Variants in GRM4 observed in about 807,000 individuals in gnomAD.
GRM4 encodes the protein glutamate metabotropic receptor 4, also known as metabotropic glutamate receptor 4.
A neutral mutation model predicts 81.7 loss-of-function variants in GRM4; 28 were observed. That is an observed-to-expected ratio of 0.34 (90% CI 0.25 to 0.47). GRM4 has a LOEUF of 0.47. Among genes scored for constraint, GRM4 ranks in the 20% least tolerant of loss-of-function variants. GRM4 has a pLI of 1.00. For synonymous variants in GRM4, 488 were observed against 528.8 expected (o/e 0.92, Z 1.06); for missense variants, 948 against 1,290.0 (o/e 0.73, Z 4.06).
intron 9 of GRM4, among the ~76,000 whole-genome samples, chr6:34,028,690 C>A (rs1330094680): frequency 2.6e-5 from 4 of 152,224 alleles, no homozygotes; most frequent in Non-Finnish European, 5.9e-5. Flanking sequence ...TGGAAAACAT[C>A]TGGCACATGG....
At chr6:34,025,385 G>A (rs187972310) in intron 10 of GRM4, among the ~76,000 whole-genome samples, 10 of 152,150 alleles carry the variant, frequency 6.6e-5, no homozygotes, top group Admixed American at 2.0e-4. Flanking sequence ...TGGCTCAGAG[G>A]TGAAAAAAAC....
rs3041237 is a variant in GRM4, at chr6:34,110,309, CA to C, written c.520-18211del. Among the ~76,000 whole-genome samples, 424 of 79,006 alleles carry C rather than the reference CA, an allele frequency of 5.4e-3. 2 individuals are homozygous for C. The highest frequency in any genetic ancestry group is 0.036 in the East Asian group (98 of 2,704). The allele number at this position is 79,006 out of a possible 152,430, so 51.8% of individuals were successfully genotyped here. A position where few individuals can be genotyped will look rare whatever the true frequency, so the allele number is the denominator to read the frequency against. On this transcript the variant is annotated intron_variant, in intron 2 of 10. Coordinates refer to ENST00000538487, the MANE Select transcript of GRM4 (RefSeq NM_000841.4). ...ACCCTGTCTCAAAAACAACACCCACCAAAAAAAAAAAAAAAAAAAACCCCAC... is the reference window on the plus strand; with the variant it reads ...ACCCTGTCTCAAAAACAACACCCACCAAAAAAAAAAAAAAAAAAACCCCAC...
chr6:34,136,388 T>A lies in GRM4; in HGVS notation c.-363-2529A>T, dbSNP rs971185206. ...ATTTCAAACAGAGGGCTTTTTGGCA[T>A]CATGACAGGCTGTGTGCTGGGGCTA... is the stretch of plus-strand genomic sequence containing the variant. On this transcript the variant is annotated intron_variant, in intron 1 of 10. Transcript: ENST00000538487. This position sits in a 1 kb window ranked among gnomAD's most constrained non-coding sequence, Gnocchi z 4.1. 9.9e-5 allele frequency among the ~76,000 whole-genome samples: 15 copies of A among 152,072 alleles called. No individual in the cohort carries two copies. Among genetic ancestry groups the A allele is most frequent in the African/African-American group, 3.4e-4 (14 of 41,408 alleles).
Position 34,082,099 on chromosome 6 carries a change from ACAGATCCCTGTCCAGTGGGAGCCTGCG to A in GRM4, c.736+9757_736+9783del, listed in dbSNP as rs1238107628. Among the ~76,000 whole-genome samples, 233 of 95,586 alleles carry A rather than the reference ACAGATCCCTGTCCAGTGGGAGCCTGCG, an allele frequency of 2.4e-3. 6 individuals are homozygous for A. The East Asian group carries it at 0.048, about 20-fold the overall frequency. 62.7% of individuals were successfully genotyped at this position (95,586 alleles called of 152,430 possible). On this transcript the variant is annotated intron_variant, in intron 3 of 10. Coordinates refer to ENST00000538487, the MANE Select transcript of GRM4 (RefSeq NM_000841.4). ...TCCCTGTCCAGTGGGAGCCTGCGGG[ACAGATCCCTGTCCAGTGGGAGCCTGCG>A]GGACAGATCCCTGTCCAGTGGGAGC...
At chr6:34,135,858 G>C (rs1469362411) in intron 1 of GRM4, among the ~76,000 whole-genome samples, 1 of 152,224 alleles carries the variant, frequency 6.6e-6, no homozygotes, top group Non-Finnish European at 1.5e-5. Flanking sequence ...ATCCCTGCTA[G>C]TTCTCAGGAA....
intron 10 of GRM4, among the ~76,000 whole-genome samples, chr6:34,026,328 C>G (rs1004673400): frequency 6.6e-6 from 1 of 152,160 alleles, no homozygotes; most frequent in Non-Finnish European, 1.5e-5. Context: ...CCTGTTGTCA[C>G]TGAGCTGAGA....
intron 2 of GRM4, among the ~76,000 whole-genome samples, chr6:34,110,329 AC>A (rs200907943): frequency 2.9e-4 from 42 of 145,752 alleles, no homozygotes; most frequent in African/African-American, 9.6e-4. Context: ...AAAAAAAAAA[AC>A]CCCACATGGT....
At chr6:34,117,386 G>A (rs1769641256) in intron 2 of GRM4, among the ~76,000 whole-genome samples, 1 of 152,176 alleles carries the variant, frequency 6.6e-6, no homozygotes, top group Non-Finnish European at 1.5e-5. Context: ...CAACCTGAGA[G>A]CCTCAGGGGT....
At chr6:34,106,347 G>A (rs2499718) in intron 2 of GRM4, among the ~76,000 whole-genome samples, 2,964 of 151,630 alleles carry the variant, frequency 0.02, 50 homozygotes, top group Middle Eastern at 0.065. Context: ...CCCAGGAGGC[G>A]GAGATTGCAG....
intron 2 of GRM4, among the ~76,000 whole-genome samples, chr6:34,094,195 C>G (rs534841461): frequency 6.6e-6 from 1 of 152,310 alleles, no homozygotes; most frequent in East Asian, 1.9e-4. Context: ...GAGGTGCATA[C>G]TTGCTGCTCT....
At chr6:34,143,367 G>A (rs1770782852) in intron 1 of GRM4, among the ~76,000 whole-genome samples, 1 of 152,124 alleles carries the variant, frequency 6.6e-6, no homozygotes, top group Admixed American at 6.5e-5. Context: ...TGAGAGAGGG[G>A]ACAAGGCTCC....
At chr6:34,055,536 G>C (rs370485892) in intron 6 of GRM4, 1 of 152,236 alleles carries the variant, frequency 6.6e-6, no homozygotes, top group Admixed American at 6.5e-5. Flanking sequence ...CAAACTGCAC[G>C]ATCAAGTCTG....
At chr6:34,153,908 AGAGT>A (rs1326329303) in intron 1 of GRM4, among the ~76,000 whole-genome samples, 9 of 146,554 alleles carry the variant, frequency 6.1e-5, no homozygotes, top group Non-Finnish European at 1.4e-4. Flanking sequence ...ACCTGACAAC[AGAGT>A]GAGACTCTGT....
chr6:34,049,128 C>T (rs1469793312), intron 6 of GRM4, among the ~76,000 whole-genome samples: 1 of 152,088 alleles, frequency 6.6e-6, no homozygotes, highest in Non-Finnish European at 1.5e-5. Flanking sequence ...AGAGGTGCCT[C>T]TGCTCACTGT....
At position 34,152,319 on chromosome 6, in the gene GRM4, C is replaced by T. The variant is rs1771062288; in HGVS notation, c.312+2760G>A. 6.6e-6 allele frequency among the ~76,000 whole-genome samples: 1 copy of T among 152,178 alleles called. No individual in the cohort carries two copies. Among genetic ancestry groups the T allele is most frequent in the Non-Finnish European group, 1.5e-5 (1 of 68,036 alleles). On this transcript the variant is annotated intron_variant, in intron 1 of 8. Transcript: ENST00000374177. The surrounding 1 kb of genome is among the most constrained non-coding windows in gnomAD (Gnocchi z 4.1). ...CCAAGCCTGGCTGCTGCGGTATCTC[C>T]AGCACGGACACCAGGCAGGCTGCAC...
chr6:34,154,272 C>T (rs140364114), intron 1 of GRM4, among the ~76,000 whole-genome samples: 1 of 152,242 alleles, frequency 6.6e-6, no homozygotes, highest in Non-Finnish European at 1.5e-5. Context: ...CCTCCCCTCA[C>T]CGCGGTCCTG....
At chr6:34,041,257 A>C (rs1024596473) in intron 6 of GRM4, among the ~76,000 whole-genome samples, 6 of 152,254 alleles carry the variant, frequency 3.9e-5, no homozygotes, top group South Asian at 4.1e-4. Context: ...CCCTCACCCC[A>C]GGGTATGGGT....
At chr6:34,110,921 C>T (rs947318383) in intron 2 of GRM4, 23 of 1,101,340 alleles carry the variant, frequency 2.1e-5, no homozygotes, top group Admixed American at 2.1e-4. Context: ...CAGTAAGAGC[C>T]CACAAGGAAC....
chr6:34,106,284 C>T (rs1581703658), intron 2 of GRM4, among the ~76,000 whole-genome samples: 1 of 151,616 alleles, frequency 6.6e-6, no homozygotes, highest in Admixed American at 6.6e-5. Flanking sequence ...GGGTGGTGGC[C>T]GGCGCCTGTA....
Sources: gnomAD v4.1 joint callset for allele counts (sites outside exome capture counted in the v4.1 genomes callset) on GRCh38, gnomAD v4.1.1 for gene constraint, Gnocchi (gnomAD v3.1) non-coding constraint, MANE v1.5 for transcripts, NCBI Gene and HGNC (gene_info 2026-07-23, HGNC 2026-07-21) for gene names.